The following LRRK2 variants were observed in gnomAD, a reference collection of about 807,000 sequenced individuals.
LRRK2 encodes leucine rich repeat kinase 2.
Under a neutral mutation model 302.6 loss-of-function variants are expected in LRRK2, and 203 were observed. The ratio of observed to expected loss-of-function variants is 0.67; its 90% CI spans 0.60 to 0.75. The LOEUF (loss-of-function observed/expected upper bound fraction) is 0.75, where lower values mean the gene tolerates loss of function less well. Ranked by LOEUF, LRRK2 falls within the 30% of genes least tolerant of loss-of-function variation. The pLI, the probability that LRRK2 is intolerant of heterozygous loss-of-function variation, is 0.00. For missense variants in LRRK2, 2,830 were observed against 2,951.0 expected (o/e 0.96, Z 0.95); for synonymous variants, 1,066 against 1,031.9 (o/e 1.03, Z -0.63).
In LRRK2 at chr12:40,308,385, T is replaced by C; in HGVS notation, c.3960-82T>C. On this transcript the variant is annotated intron_variant, in intron 28 of 50. Transcript: ENST00000298910. ...TTCTGGATACTATATTTTAGAATAG[T>C]GTGACATGTAAAAGAACTCACCTAA... is the stretch of plus-strand genomic sequence containing the variant. 3.0e-6 allele frequency: 3 copies of C among 1,008,170 alleles called. No homozygotes were observed. In the South Asian group the frequency reaches 4.2e-5, roughly 14 times the overall value. The allele number at this position is 1,008,170 out of a possible 1,614,324, so 62.5% of individuals were successfully genotyped here. A position where few individuals can be genotyped will look rare whatever the true frequency, so the allele number is the denominator to read the frequency against.
intron 41 of LRRK2, among the ~76,000 whole-genome samples, chr12:40,344,792 G>A (rs1946145443): frequency 6.6e-6 from 1 of 152,026 alleles, no homozygotes; most frequent in Admixed American, 6.6e-5. Flanking sequence ...CTAAGGAAAT[G>A]TATAATATAT....
At position 40,335,102 on chromosome 12, in the gene LRRK2, A is replaced by T; in HGVS notation, c.5893A>T (p.Ser1965Cys). ...TCGCCTGCTTCAGCAGGACAAAGCC[A>T]GCCTCACTAGAACCCTACAGCACAG... ...LDRLLQQDKA[S>C]LTRTLQHRIA... The change falls in exon 40 of 51, where the codon AGC becomes TGC. Residue 1965 changes from serine to cysteine, a missense_variant. Transcript: ENST00000298910. 3 of 1,614,100 alleles carry T rather than the reference A, an allele frequency of 1.9e-6. No homozygotes were observed. Among genetic ancestry groups the T allele is most frequent in the Non-Finnish European group, 2.5e-6 (3 of 1,179,984 alleles).
chr12:40,314,143 C>G lies in LRRK2; in HGVS notation c.4708C>G (p.Pro1570Ala). The G allele has an allele frequency of 6.2e-7, 1 of 1,612,596 alleles. No homozygotes were observed. The highest frequency in any genetic ancestry group is 8.5e-7 in the Non-Finnish European group (1 of 1,178,912). Reference sequence around the variant, plus strand: ...GCTGCAGTTAGATGAAAATGAGCTTCCTCACGCAGTTCACTTTCTAAATGA... The same window carrying G: ...GCTGCAGTTAGATGAAAATGAGCTTGCTCACGCAGTTCACTTTCTAAATGA... ...NQLQLDENEL[P>A]HAVHFLNESG... Residue 1570 changes from proline (P) to alanine (A), a missense_variant, in exon 32 of 51, where the codon CCT becomes GCT. This residue lies in a region of LRRK2 where 2,121 missense variants were observed against 2,148.0 expected (regional missense o/e 0.99). Coordinates refer to ENST00000298910, the MANE Select transcript of LRRK2 (RefSeq NM_198578.4).
At chr12:40,345,359 C>T (rs1946159555) in intron 41 of LRRK2, among the ~76,000 whole-genome samples, 1 of 151,874 alleles carries the variant, frequency 6.6e-6, no homozygotes, top group African/African-American at 2.4e-5. Context: ...GCAGTGGCTC[C>T]TGCCTGTAAT....
At position 40,304,487 on chromosome 12, in the gene LRRK2, A is replaced by C. The variant is rs17519964; in HGVS notation, c.3777+353A>C. 7.3e-3 allele frequency: 1,921 copies of C among 262,052 alleles called. 43 individuals are homozygous for C. Among genetic ancestry groups the C allele is most frequent in the African/African-American group, 0.04 (1,808 of 45,404 alleles). 16.2% of individuals were successfully genotyped at this position (262,052 alleles called of 1,614,324 possible). ...TAAACAGCTAGATATAAATTTGTCT[A>C]CCCAACATTTGTACAAAGTAAAAAT... On this transcript the variant is annotated intron_variant, in intron 27 of 50. Transcript: ENST00000298910.
At chr12:40,360,912 T>C (rs1946684391) in intron 47 of LRRK2, among the ~76,000 whole-genome samples, 1 of 152,124 alleles carries the variant, frequency 6.6e-6, no homozygotes, top group Middle Eastern at 3.2e-3. Flanking sequence ...TTGCTCTGAG[T>C]GGCAGGTTAG....
intron 29 of LRRK2, 139 bp from the exon 30 acceptor site, chr12:40,308,967 C>A: frequency 9.6e-7 from 1 of 1,043,736 alleles, no homozygotes; most frequent in Non-Finnish European, 1.4e-6. Flanking sequence ...CAGAATAGTT[C>A]TCTAAACATG....
chr12:40,354,124 T>G (rs1946457795), intron 44 of LRRK2, among the ~76,000 whole-genome samples, 175 bp from the exon 45 acceptor site: 2 of 152,262 alleles, frequency 1.3e-5, no homozygotes, highest in Non-Finnish European at 2.9e-5. Context: ...AGGCAAAACT[T>G]GTCTGCCAAT....
intron 6 of LRRK2, among the ~76,000 whole-genome samples, chr12:40,241,183 C>T (rs1301712435): frequency 6.6e-6 from 1 of 152,158 alleles, no homozygotes; most frequent in Non-Finnish European, 1.5e-5. Context: ...TGTGCATGCA[C>T]ATCCCCAAAT....
chr12:40,280,484 G>T (rs1026330692), intron 18 of LRRK2, among the ~76,000 whole-genome samples: 3 of 151,856 alleles, frequency 2.0e-5, no homozygotes, highest in Non-Finnish European at 4.4e-5. Flanking sequence ...AATTAGCTGG[G>T]TATGGTGGTA....
At chr12:40,295,969 A>G (rs1944371217) in intron 23 of LRRK2, among the ~76,000 whole-genome samples, 1 of 152,196 alleles carries the variant, frequency 6.6e-6, no homozygotes, top group South Asian at 2.1e-4. Flanking sequence ...AAATTAGATT[A>G]GGTAAACTAG....
chr12:40,234,196 C>A (rs1482651848), intron 3 of LRRK2, among the ~76,000 whole-genome samples: 1 of 151,978 alleles, frequency 6.6e-6, no homozygotes, highest in Non-Finnish European at 1.5e-5. Context: ...GATTATGCAA[C>A]GTTTCTTGAA....
chr12:40,236,485 C>T (rs1941473072), intron 4 of LRRK2, among the ~76,000 whole-genome samples: 1 of 152,132 alleles, frequency 6.6e-6, no homozygotes. Context: ...CAGTTGTGGG[C>T]ATTGCTGTGC....
chr12:40,262,983 C>T (rs1254031265), intron 13 of LRRK2, among the ~76,000 whole-genome samples: 1 of 152,126 alleles, frequency 6.6e-6, no homozygotes, highest in African/African-American at 2.4e-5. Flanking sequence ...CATAGTATTC[C>T]CAGCATTAAC....
chr12:40,315,435 A>G, intron 33 of LRRK2, 135 bp downstream of exon 33: 1 of 748,406 alleles, frequency 1.3e-6, no homozygotes, highest in East Asian at 2.6e-5. Flanking sequence ...ACTGTGGAAC[A>G]TTTCACATAG....
At chr12:40,352,915 C>A (rs1946400341) in intron 44 of LRRK2, among the ~76,000 whole-genome samples, 1 of 152,240 alleles carries the variant, frequency 6.6e-6, no homozygotes, top group Admixed American at 6.5e-5. Context: ...CACATTTCCC[C>A]CTTTTCTACT....
At chr12:40,266,115 C>A (rs550050185) in intron 14 of LRRK2, among the ~76,000 whole-genome samples, 13 of 152,182 alleles carry the variant, frequency 8.5e-5, no homozygotes, top group African/African-American at 3.1e-4. Flanking sequence ...GTCTAAAACA[C>A]CAAAAGCAGT....
At chr12:40,288,538 T>C (rs1183253901) in intron 20 of LRRK2, among the ~76,000 whole-genome samples, 1 of 151,856 alleles carries the variant, frequency 6.6e-6, no homozygotes, top group Non-Finnish European at 1.5e-5. Context: ...TTTTCCAAAA[T>C]GATTGTACTA....
chr12:40,367,028 G>A lies in LRRK2; in HGVS notation c.7413G>A (p.Leu2471=). 6.2e-7 allele frequency: 1 copy of A among 1,608,508 alleles called. No homozygotes were observed. The highest frequency in any genetic ancestry group is 1.3e-5 in the African/African-American group (1 of 74,672). ...AQLGSLKNVM[L]VLGYNRKNTE... ...AAGGAAGCCTTAAAAATGTCATGCTGGTATTGGGCTACAACCGGAAAAATA... is the reference window on the plus strand; with the variant it reads ...AAGGAAGCCTTAAAAATGTCATGCTAGTATTGGGCTACAACCGGAAAAATA... The change falls in exon 50 of 51, where the codon CTG becomes CTA. Residue 2471 remains leucine (L), a synonymous_variant. Coordinates refer to ENST00000298910, the MANE Select transcript of LRRK2 (RefSeq NM_198578.4).
Sources: gnomAD v4.1 joint callset for allele counts (sites outside exome capture counted in the v4.1 genomes callset) on GRCh38, gnomAD v4.1.1 for gene constraint, gnomAD v4.1.1 regional missense constraint, MANE v1.5 for transcripts, NCBI Gene and HGNC (gene_info 2026-07-23, HGNC 2026-07-21) for gene names.